Variants in LYN observed in about 807,000 individuals in gnomAD.
LYN encodes the protein LYN proto-oncogene, Src family tyrosine kinase.
LYN carries 12 observed loss-of-function variants against 65.0 expected under a neutral mutation model. That is an observed-to-expected ratio of 0.18 (90% CI 0.12 to 0.30). LYN has a LOEUF of 0.30. LYN is among the 10% of genes least tolerant of loss of function. LYN has a pLI of 1.00. For synonymous variants in LYN, 222 were observed against 221.2 expected (o/e 1.00, Z -0.03); for missense variants, 380 against 623.2 (o/e 0.61, Z 4.16).
intron 1 of LYN, among the ~76,000 whole-genome samples, chr8:55,914,801 T>C (rs1366730037): frequency 6.6e-6 from 1 of 152,166 alleles, no homozygotes; most frequent in South Asian, 2.1e-4. Flanking sequence ...TTCTCTTCAC[T>C]CCCACCCCTC....
In LYN at chr8:56,013,234, C is replaced by T. The variant is rs1346106033; in HGVS notation, c.*3124C>T. ...AAGCATCATAAGTATAAACTCATCT[C>T]CACGTCAGCTTGTGGAGTCTGCTTT... On this transcript the variant is annotated 3_prime_UTR_variant, in exon 13 of 13. Transcript: ENST00000519728. 6.6e-6 allele frequency: 1 copy of T among 151,968 alleles called. No homozygotes were observed. The highest frequency in any genetic ancestry group is 6.6e-5 in the Admixed American group (1 of 15,256). The allele number at this position is 151,968 out of a possible 1,614,324, so 9.4% of individuals were successfully genotyped here.
intron 6 of LYN, among the ~76,000 whole-genome samples, chr8:55,951,005 G>T (rs1806929029): frequency 6.6e-6 from 1 of 152,160 alleles, no homozygotes; most frequent in African/African-American, 2.4e-5. Context: ...CACTTTGGGA[G>T]GCTGAGGCGA....
At chr8:55,904,832 G>T (rs1057086131) in intron 1 of LYN, among the ~76,000 whole-genome samples, 2 of 152,130 alleles carry the variant, frequency 1.3e-5, no homozygotes, top group African/African-American at 4.8e-5. Context: ...GTTTGGCAAG[G>T]TTCCCTACAT....
Position 55,966,734 on chromosome 8 carries a change from C to G in LYN, c.810C>G (p.Thr270=). Residue 270 remains threonine (T), a synonymous_variant, in exon 9 of 13, where the codon ACC becomes ACG. Transcript: ENST00000519728. ...TCCTAGGTTACTATAACAACAGTAC[C>G]AAGGTGGCTGTGAAAACCCTGAAGC... is the stretch of plus-strand genomic sequence containing the variant. ...EVWMGYYNNS[T]KVAVKTLKPG... The G allele has an allele frequency of 6.2e-7, 1 of 1,613,814 alleles. No homozygotes were observed. The highest frequency in any genetic ancestry group is 8.5e-7 in the Non-Finnish European group (1 of 1,179,864).
chr8:55,936,178 C>T (rs983673780), intron 1 of LYN, among the ~76,000 whole-genome samples: 19 of 152,178 alleles, frequency 1.2e-4, no homozygotes, highest in African/African-American at 4.6e-4. Flanking sequence ...AGTCTTGGAC[C>T]TAATTTGAAA....
chr8:55,930,654 T>A (rs1806238690), intron 1 of LYN, among the ~76,000 whole-genome samples: 1 of 152,208 alleles, frequency 6.6e-6, no homozygotes, highest in Non-Finnish European at 1.5e-5. Context: ...CCTGTTGTCT[T>A]CCTCTGTGTG....
Position 56,010,011 on chromosome 8 carries a change from G to C in LYN, c.1440G>C (p.Trp480Cys). Residue 480 changes from tryptophan (W) to cysteine (C), a missense_variant, in exon 13 of 13, where the codon TGG (tryptophan) becomes TGC (cysteine). Transcript: ENST00000519728. Reference sequence around the variant, plus strand: ...TCTATGACATTATGAAAATGTGCTGGAAAGAAAAGGCAGAAGAGAGACCAA... The same window carrying C: ...TCTATGACATTATGAAAATGTGCTGCAAAGAAAAGGCAGAAGAGAGACCAA... The part of the protein sequence containing the change: ...DELYDIMKMC[W>C]KEKAEERPTF... The C allele has an allele frequency of 6.2e-7, 1 of 1,614,150 alleles. No individual in the cohort carries two copies. Among genetic ancestry groups the C allele is most frequent in the Non-Finnish European group, 8.5e-7 (1 of 1,180,010 alleles).
At chr8:55,916,388 C>T (rs1805780658) in intron 1 of LYN, among the ~76,000 whole-genome samples, 1 of 152,172 alleles carries the variant, frequency 6.6e-6, no homozygotes. Context: ...GCTTCTAAGG[C>T]TAAACCTTCA....
intron 1 of LYN, among the ~76,000 whole-genome samples, chr8:55,923,817 G>T (rs1806012707): frequency 1.3e-5 from 2 of 151,958 alleles, no homozygotes; most frequent in South Asian, 4.1e-4. Context: ...GGGATTAGAG[G>T]CGTGAGCCAC....
At chr8:55,891,972 A>G (rs539376153) in intron 1 of LYN, among the ~76,000 whole-genome samples, 1 of 152,220 alleles carries the variant, frequency 6.6e-6, no homozygotes, top group Non-Finnish European at 1.5e-5. Flanking sequence ...GGGAATGATA[A>G]TGGAGAAATT....
intron 11 of LYN, among the ~76,000 whole-genome samples, chr8:55,998,793 T>C (rs946377155): frequency 6.6e-6 from 1 of 152,244 alleles, no homozygotes; most frequent in Non-Finnish European, 1.5e-5. Context: ...TTATTTTGTA[T>C]TGTTAAAGTT....
At chr8:55,940,772 G>T (rs1806587529) in intron 1 of LYN, among the ~76,000 whole-genome samples, 1 of 152,244 alleles carries the variant, frequency 6.6e-6, no homozygotes, top group Admixed American at 6.5e-5. Flanking sequence ...CAGAGTGCGT[G>T]TGTAGTGCTC....
rs538979282 is a variant in LYN at position 55,926,330 on chromosome 8, T to C, written c.-5-15525T>C. On this transcript the variant is annotated intron_variant, in intron 1 of 12. Coordinates refer to ENST00000519728, the MANE Select transcript of LYN (RefSeq NM_002350.4). ...CTGAATGGTTGATTGAGAGCAATGGTTCTGCAGGATTAGTAAACGCTGATA... is the reference window on the plus strand; with the variant it reads ...CTGAATGGTTGATTGAGAGCAATGGCTCTGCAGGATTAGTAAACGCTGATA... Among the ~76,000 whole-genome samples, 33 of 152,362 alleles carry C rather than the reference T, an allele frequency of 2.2e-4. No individual in the cohort carries two copies. In the East Asian group the frequency reaches 6.4e-3, roughly 29 times the overall value.
At chr8:55,908,013 C>T (rs1340899708) in intron 1 of LYN, among the ~76,000 whole-genome samples, 1 of 152,080 alleles carries the variant, frequency 6.6e-6, no homozygotes, top group African/African-American at 2.4e-5. Flanking sequence ...TCAAGTTTTA[C>T]TTGTTTAGAA....
chr8:55,997,268 A>T (rs1808398577), intron 10 of LYN, among the ~76,000 whole-genome samples: 1 of 152,170 alleles, frequency 6.6e-6, no homozygotes, highest in Non-Finnish European at 1.5e-5. Flanking sequence ...CAGAAACGAC[A>T]TCCTGTTCTT....
chr8:55,882,343 C>T (rs1804674804), intron 1 of LYN, among the ~76,000 whole-genome samples: 1 of 152,170 alleles, frequency 6.6e-6, no homozygotes. Flanking sequence ...ACTTTGAAAG[C>T]CTTTTACTTC....
rs532825037 is a variant in LYN at position 55,967,322 on chromosome 8, TTTTTTTTTTG to T, written c.973+426_973+435del. On this transcript the variant is annotated intron_variant, in intron 9 of 12. Coordinates refer to ENST00000519728, the MANE Select transcript of LYN (RefSeq NM_002350.4). ...TCCTCTTTCATTTTTTTTTTTTTTT[TTTTTTTTTTG>T]GAAACAGAGTCTCACACTGTTGCCC... Among the ~76,000 whole-genome samples, 8 of 114,304 alleles carry T rather than the reference TTTTTTTTTTG, an allele frequency of 7.0e-5. No individual in the cohort carries two copies. The South Asian group carries it at 2.2e-3, about 31-fold the overall frequency. 75.0% of individuals were successfully genotyped at this position (114,304 alleles called of 152,430 possible). A position where few individuals can be genotyped will look rare whatever the true frequency, so the allele number is the denominator to read the frequency against.
At position 56,010,407 on chromosome 8, in the gene LYN, A is replaced by C. The variant is rs1808781773; in HGVS notation, c.*297A>C. 2.5e-6 allele frequency: 1 copy of C among 402,404 alleles called. No homozygotes were observed. The highest frequency in any genetic ancestry group is 2.0e-5 in the African/African-American group (1 of 50,488). The allele number at this position is 402,404 out of a possible 1,614,324, so 24.9% of individuals were successfully genotyped here. On this transcript the variant is annotated 3_prime_UTR_variant, in exon 13 of 13. Coordinates refer to ENST00000519728, the MANE Select transcript of LYN (RefSeq NM_002350.4). ...AGAAGAAAACATCTATTCTCTCCAA[A>C]AATGCACCCAACTAGCTCTATGTTT...
intron 12 of LYN, among the ~76,000 whole-genome samples, chr8:56,008,702 G>A (rs1443331575): frequency 6.6e-6 from 1 of 152,134 alleles, no homozygotes; most frequent in African/African-American, 2.4e-5. Context: ...TCTATTACCA[G>A]GCCTTTTGCA....
Sources: gnomAD v4.1 joint callset for allele counts (sites outside exome capture counted in the v4.1 genomes callset) on GRCh38, gnomAD v4.1.1 for gene constraint, MANE v1.5 for transcripts, NCBI Gene and HGNC (gene_info 2026-07-23, HGNC 2026-07-21) for gene names.